SERHL2: variants seen among roughly 807,000 people sequenced by gnomAD.
SERHL2 encodes serine hydrolase-like protein 2.
A neutral mutation model predicts 25.5 loss-of-function variants in SERHL2; 29 were observed. The ratio of observed to expected loss-of-function variants is 1.14; its 90% CI spans 0.85 to 1.55. The LOEUF (loss-of-function observed/expected upper bound fraction) is 1.55, where lower values mean the gene tolerates loss of function less well. Among genes scored for constraint, SERHL2 ranks in the 40% most tolerant of loss-of-function variants. The pLI is 0.00. For synonymous variants in SERHL2, 95 were observed against 103.5 expected, an observed-to-expected ratio of 0.92 and a Z score of 0.50; for missense variants, 240 against 252.3, an observed-to-expected ratio of 0.95 and a Z score of 0.33.
intron 8 of SERHL2, chr22:42,563,558 G>A (rs1411494133): frequency 8.0e-6 from 2 of 250,560 alleles, no homozygotes; most frequent in South Asian, 3.4e-5. Context: ...CCCGTGCTGT[G>A]GGGGAGGCTC....
chr22:42,568,147 C>T (rs776294724), intron 9 of SERHL2, among the ~76,000 whole-genome samples: 26 of 151,938 alleles, frequency 1.7e-4, no homozygotes, highest in South Asian at 1.2e-3. Context: ...CCTCAGCCTC[C>T]GGAGTGGCTA....
intron 8 of SERHL2, chr22:42,565,251 C>G (rs556602698): frequency 1.3e-5 from 2 of 152,606 alleles, no homozygotes. Context: ...AGGGGACACC[C>G]GCCTAGCCGC....
rs543354869 is a variant in SERHL2, at chr22:42,571,344, C to T, written c.731+141C>T. The T allele has an allele frequency of 2.3e-5, 34 of 1,485,004 alleles. 2 individuals carry two copies. In the Admixed American group the frequency reaches 6.5e-4, roughly 28 times the overall value. 92.0% of individuals were successfully genotyped at this position (1,485,004 alleles called of 1,614,324 possible). On this transcript the variant is annotated intron_variant, in intron 10 of 11. Transcript: ENST00000327678. ...AAGGCTCAAGATCTTTTTTGGGAAG[C>T]CCCCCTGGCAGCAGGGTCATGGAAG...
chr22:42,563,496 G>A (rs1300254692), intron 8 of SERHL2: 1 of 386,906 alleles, frequency 2.6e-6, no homozygotes, highest in Admixed American at 3.1e-5. Flanking sequence ...GAGTCACCAT[G>A]CCCAGCCAAC....
chr22:42,556,661 T>G (rs1412056232), intron 6 of SERHL2, 73 bp downstream of exon 6: 1 of 1,271,874 alleles, frequency 7.9e-7, no homozygotes, highest in Non-Finnish European at 1.1e-6. Flanking sequence ...CAGCCCTGTC[T>G]CCTTTGGTGG....
intron 8 of SERHL2, among the ~76,000 whole-genome samples, chr22:42,561,009 C>T (rs1303243207): frequency 6.6e-6 from 1 of 151,972 alleles, no homozygotes; most frequent in Non-Finnish European, 1.5e-5. Context: ...CACCACAACT[C>T]CAGGGGCTGC....
intron 11 of SERHL2, chr22:42,572,749 A>T (rs747812011): frequency 2.0e-6 from 2 of 983,476 alleles, no homozygotes; most frequent in Admixed American, 6.2e-5. Context: ...TTGGTGGGGA[A>T]CCCCTGCCAG....
At chr22:42,564,327 TTGGTCA>T (rs1182156773) in intron 8 of SERHL2, among the ~76,000 whole-genome samples, 1 of 151,788 alleles carries the variant, frequency 6.6e-6, no homozygotes, top group Non-Finnish European at 1.5e-5. Context: ...AGGGGCTGCC[TTGGTCA>T]GACAGTGAAT....
At chr22:42,564,427 ATTT>A (rs35590765) in intron 8 of SERHL2, among the ~76,000 whole-genome samples, 1 of 146,270 alleles carries the variant, frequency 6.8e-6, no homozygotes, top group Non-Finnish European at 1.5e-5. Flanking sequence ...CCGACACAGG[ATTT>A]TTTTTTTTCT....
chr22:42,563,162 T>C (rs563916047), intron 8 of SERHL2, among the ~76,000 whole-genome samples: 9 of 151,436 alleles, frequency 5.9e-5, no homozygotes, highest in African/African-American at 1.7e-4. Flanking sequence ...CACTGCACTC[T>C]AGCAAGACCC....
intron 8 of SERHL2, among the ~76,000 whole-genome samples, 194 bp from the exon 9 acceptor site, chr22:42,566,110 C>T (rs539659116): frequency 4.6e-5 from 7 of 152,166 alleles, no homozygotes; most frequent in African/African-American, 1.7e-4. Flanking sequence ...AGGTCTGTGG[C>T]CAGGTGGCTG....
chr22:42,571,944 CGGGGGG>C (rs1924271176), intron 10 of SERHL2: 1 of 11,850 alleles, frequency 8.4e-5, no homozygotes, highest in Non-Finnish European at 1.9e-4. Flanking sequence ...GGGCGGGGGG[CGGGGGG>C]TGGGGTGGGG....
intron 7 of SERHL2, among the ~76,000 whole-genome samples, chr22:42,559,850 T>C (rs943533174): frequency 6.6e-6 from 1 of 151,954 alleles, no homozygotes; most frequent in Admixed American, 6.6e-5. Flanking sequence ...CTCGCTCTGT[T>C]CCCCAGGCTA....
intron 9 of SERHL2, 145 bp downstream of exon 9, chr22:42,566,483 G>A (rs1923405509): frequency 4.0e-6 from 3 of 741,238 alleles, no homozygotes; most frequent in African/African-American, 3.5e-5. Flanking sequence ...GCTTGAATGG[G>A]AGGCAGAGGT....
At position 42,574,095 on chromosome 22, in the gene SERHL2, T is replaced by C; in HGVS notation, c.*40T>C. The C allele has an allele frequency of 1.3e-6, 2 of 1,587,152 alleles. No homozygotes were observed. Among genetic ancestry groups the C allele is most frequent in the Non-Finnish European group, 1.7e-6 (2 of 1,157,230 alleles). ...CTATGAAGACCTAGTGCTCCCAGAC[T>C]CAACACTGGGACTCTGAGTTCCTGA... On this transcript the variant is annotated 3_prime_UTR_variant, in exon 12 of 12. Coordinates refer to ENST00000327678, the MANE Select transcript of SERHL2 (RefSeq NM_014509.5).
chr22:42,571,281 A>G (rs1924147927), intron 10 of SERHL2, 78 bp downstream of exon 10: 2 of 1,596,686 alleles, frequency 1.3e-6, no homozygotes, highest in Non-Finnish European at 1.7e-6. Context: ...GGGCCCTGGC[A>G]TGAGGCTCCA....
At chr22:42,559,456 C>T (rs1298969593) in intron 7 of SERHL2, among the ~76,000 whole-genome samples, 5 of 151,482 alleles carry the variant, frequency 3.3e-5, no homozygotes, top group Non-Finnish European at 7.4e-5. Context: ...AATCCCAGCA[C>T]TTTGGAAGGC....
At chr22:42,560,379 A>G (rs1922537338) in intron 8 of SERHL2, 114 bp downstream of exon 8, 5 of 750,456 alleles carry the variant, frequency 6.7e-6, no homozygotes, top group African/African-American at 1.7e-5. Context: ...ACAGCATCTC[A>G]CTGAATCCCC....
At chr22:42,567,714 CTTTAAT>C (rs200920907) in intron 9 of SERHL2, among the ~76,000 whole-genome samples, 9,714 of 149,690 alleles carry the variant, frequency 0.065, 1,108 homozygotes, top group East Asian at 0.56. Flanking sequence ...TTCGATTTTT[CTTTAAT>C]TTTATTATTA....
Sources: gnomAD v4.1 joint callset for allele counts (sites outside exome capture counted in the v4.1 genomes callset) on GRCh38, gnomAD v4.1.1 for gene constraint, MANE v1.5 for transcripts, NCBI Gene and HGNC (gene_info 2026-07-23, HGNC 2026-07-21) for gene names.